BLK: variants seen among roughly 807,000 people sequenced by gnomAD.
The protein encoded by BLK is BLK proto-oncogene, Src family tyrosine kinase, also known as tyrosine-protein kinase Blk.
In BLK, 64 loss-of-function variants were observed where a neutral mutation model predicts 61.8. The observed-to-expected ratio is 1.03, with a 90% CI of 0.85 to 1.27. BLK has a LOEUF of 1.27. Among genes scored for constraint, BLK ranks in the 50% most tolerant of loss-of-function variants. BLK has a pLI of 0.00. For missense variants in BLK, 853 were observed against 660.5 expected (o/e 1.29, Z -3.19); for synonymous variants, 351 against 272.0 (o/e 1.29, Z -2.86).
chr8:11,548,167 C>G lies in BLK; in HGVS notation c.269+42C>G, dbSNP rs757834420. ...CCATCCCCTGTCCCTGCAGGACCCC[C>G]CTCCCCCACATCTCTCCTTTCTCCA... On this transcript the variant is annotated intron_variant, in intron 4 of 12. Transcript: ENST00000259089. 6 of 1,518,840 alleles carry G rather than the reference C, an allele frequency of 4.0e-6. 1 individual carries two copies. The highest frequency in any genetic ancestry group is 3.4e-5 in the South Asian group (3 of 88,948). The allele number at this position is 1,518,840 out of a possible 1,614,324, so 94.1% of individuals were successfully genotyped here.
At chr8:11,548,236 G>A (rs575475288) in intron 4 of BLK, 111 bp downstream of exon 4, 323 of 917,774 alleles carry the variant, frequency 3.5e-4, no homozygotes, top group African/African-American at 6.9e-4. Context: ...CTTCTCCATC[G>A]CCCTGCCCCC....
chr8:11,512,168 A>G, intron 1 of BLK, among the ~76,000 whole-genome samples: 1 of 152,324 alleles, frequency 6.6e-6, no homozygotes, highest in Non-Finnish European at 1.5e-5. Context: ...ACTGGTCTGT[A>G]AGAAGCGCTG....
In BLK at chr8:11,563,863, C is replaced by G. The variant is rs373325308; in HGVS notation, c.1313-40C>G. The stretch of plus-strand genomic sequence containing the variant: ...TCAGGGCCCCCCACCCACCGAGGAC[C>G]CCAGCCCCTCACCCCCGCTTGCGGT... On this transcript the variant is annotated intron_variant, in intron 12 of 12. Coordinates refer to ENST00000259089, the MANE Select transcript of BLK (RefSeq NM_001715.3). 1.3e-5 allele frequency: 20 copies of G among 1,578,738 alleles called. No individual in the cohort carries two copies. The African/African-American group carries it at 2.6e-4, about 20-fold the overall frequency.
At chr8:11,545,748 G>C in intron 2 of BLK, 1 of 454,428 alleles carries the variant, frequency 2.2e-6, no homozygotes. Flanking sequence ...TCTTGTAATG[G>C]TAGAGCCAGG....
At chr8:11,496,294 G>C (rs1185758255) in intron 1 of BLK, among the ~76,000 whole-genome samples, 6 of 152,128 alleles carry the variant, frequency 3.9e-5, no homozygotes, top group Non-Finnish European at 5.9e-5. Context: ...CTGGAGTGCA[G>C]TGGCAAGAGA....
intron 1 of BLK, among the ~76,000 whole-genome samples, chr8:11,537,286 A>C (rs746138405): frequency 3.9e-5 from 6 of 152,052 alleles, no homozygotes; most frequent in Non-Finnish European, 5.9e-5. Context: ...GGAATTCTGG[A>C]TGTTGGTGAG....
intron 1 of BLK, among the ~76,000 whole-genome samples, chr8:11,516,430 T>C (rs1339811036): frequency 5.3e-5 from 8 of 152,214 alleles, no homozygotes; most frequent in Non-Finnish European, 8.8e-5. Flanking sequence ...CACCGCCCTA[T>C]TGCTGTCTCT....
rs558124437 is a variant in BLK, at chr8:11,520,659, G to T, written c.-1-22565G>T. On this transcript the variant is annotated intron_variant, in intron 1 of 12. Transcript: ENST00000259089. ...ATAGCCAGATTCAGAAGTGAGAGACGCCTGCTAACATTGAGATAATTTAAC... is the reference window on the plus strand; with the variant it reads ...ATAGCCAGATTCAGAAGTGAGAGACTCCTGCTAACATTGAGATAATTTAAC... Among the ~76,000 whole-genome samples the T allele has an allele frequency of 2.0e-5, 3 of 152,174 alleles. No individual in the cohort carries two copies. The South Asian group carries it at 6.2e-4, about 32-fold the overall frequency.
intron 1 of BLK, among the ~76,000 whole-genome samples, chr8:11,537,223 T>G (rs79235412): frequency 0.011 from 1,712 of 152,300 alleles, 23 homozygotes; most frequent in African/African-American, 0.039. Flanking sequence ...ATCACCGTAC[T>G]TTCTTCATTT....
intron 1 of BLK, among the ~76,000 whole-genome samples, chr8:11,539,157 C>T (rs1355264814): frequency 1.3e-5 from 2 of 151,968 alleles, no homozygotes; most frequent in Non-Finnish European, 2.9e-5. Flanking sequence ...CAGTAAACAA[C>T]TTGGTGTTCA....
chr8:11,495,587 A>C (rs1332111029), intron 1 of BLK, among the ~76,000 whole-genome samples: 1 of 139,550 alleles, frequency 7.2e-6, no homozygotes, highest in African/African-American at 2.5e-5. Flanking sequence ...CATCAGACAA[A>C]TCCAAACTGG....
At chr8:11,518,322 T>C (rs997554023) in intron 1 of BLK, among the ~76,000 whole-genome samples, 5 of 152,230 alleles carry the variant, frequency 3.3e-5, no homozygotes, top group South Asian at 2.1e-4. Context: ...ATACGCACTT[T>C]CGTGTGAGTT....
intron 6 of BLK, chr8:11,552,404 A>C (rs1800947120): frequency 6.6e-6 from 1 of 152,204 alleles, no homozygotes; most frequent in African/African-American, 2.4e-5. Context: ...TATGCATTTT[A>C]TATTTATATT....
chr8:11,525,390 G>A (rs1485688134), intron 1 of BLK, among the ~76,000 whole-genome samples: 1 of 152,138 alleles, frequency 6.6e-6, no homozygotes, highest in Admixed American at 6.5e-5. Flanking sequence ...TACCAAAAAT[G>A]TCCAGGTATT....
At position 11,556,695 on chromosome 8, in the gene BLK, G is replaced by A. The variant is rs749767699; in HGVS notation, c.810G>A (p.Thr270=). 1.3e-5 allele frequency: 21 copies of A among 1,614,054 alleles called. No individual in the cohort carries two copies. Among genetic ancestry groups the A allele is most frequent in the Admixed American group, 5.0e-5 (3 of 60,000 alleles). Residue 270 remains threonine, a synonymous_variant, in exon 9 of 13, where the codon ACG becomes ACA. Transcript: ENST00000259089. ...ACAACATGAAGGTGGCCATTAAGAC[G>A]CTGAAGGAGGGAACCATGTCTCCAG... is the stretch of plus-strand genomic sequence containing the variant. ...YKNNMKVAIK[T]LKEGTMSPEA...
chr8:11,514,432 GA>G lies in BLK; in HGVS notation c.-2+19842del, dbSNP rs146011567. Among the ~76,000 whole-genome samples, 1,351 of 152,310 alleles carry G rather than the reference GA, an allele frequency of 8.9e-3. 9 individuals carry two copies. Among genetic ancestry groups the G allele is most frequent in the Middle Eastern group, 0.044 (13 of 294 alleles). ...GCAAGAGCCCCGCAATGGCCTCCCC[GA>G]GGGATCTGAGGCCCAGCAGGCCATC... On this transcript the variant is annotated intron_variant, in intron 1 of 12. Coordinates refer to ENST00000259089, the MANE Select transcript of BLK (RefSeq NM_001715.3).
intron 1 of BLK, among the ~76,000 whole-genome samples, chr8:11,541,922 C>T (rs1309776728): frequency 6.6e-6 from 1 of 152,168 alleles, no homozygotes; most frequent in Non-Finnish European, 1.5e-5. Context: ...TAAAGAAATA[C>T]TTAGATATAA....
At chr8:11,537,851 T>A (rs532456617) in intron 1 of BLK, among the ~76,000 whole-genome samples, 56 of 152,344 alleles carry the variant, frequency 3.7e-4, no homozygotes, top group African/African-American at 1.3e-3. Flanking sequence ...CCACACCCCT[T>A]GTTTGACTGA....
Position 11,543,342 on chromosome 8 carries a change from C to T in BLK, c.118C>T (p.Pro40Ser), listed in dbSNP as rs200018129. Residue 40 changes from proline to serine, a missense_variant, in exon 2 of 13, where the codon CCC (proline) becomes TCC (serine). Coordinates refer to ENST00000259089, the MANE Select transcript of BLK (RefSeq NM_001715.3). Reference sequence around the variant, plus strand: ...AGACAAGGACGCCCCGCCACTGCCGCCCCTGGTGAGTGATTGCCCACCCCC... The same window carrying T: ...AGACAAGGACGCCCCGCCACTGCCGTCCCTGGTGAGTGATTGCCCACCCCC... ...AQDKDAPPLPPLVVFNHLTPP... is the reference protein window; with the variant it reads ...AQDKDAPPLPSLVVFNHLTPP... 1.6e-4 allele frequency: 266 copies of T among 1,613,068 alleles called. No homozygotes were observed. The highest frequency in any genetic ancestry group is 1.7e-6 in the Non-Finnish European group (2 of 1,180,018).
Sources: gnomAD v4.1 joint callset for allele counts (sites outside exome capture counted in the v4.1 genomes callset) on GRCh38, gnomAD v4.1.1 for gene constraint, MANE v1.5 for transcripts, NCBI Gene and HGNC (gene_info 2026-07-23, HGNC 2026-07-21) for gene names.